The following SUGCT variants were observed in gnomAD, a reference collection of about 807,000 sequenced individuals.
SUGCT encodes succinyl-CoA:glutarate-CoA transferase.
In SUGCT, 41 loss-of-function variants were observed where a neutral mutation model predicts 55.0. The ratio of observed to expected loss-of-function variants is 0.74; its 90% CI spans 0.58 to 0.97. The LOEUF is 0.97. SUGCT is among the 50% of genes least tolerant of loss of function. The pLI, the probability that SUGCT is intolerant of heterozygous loss-of-function variation, is 0.00. For synonymous variants in SUGCT, 187 were observed against 200.4 expected (o/e 0.93, Z 0.56); for missense variants, 568 against 547.8 (o/e 1.04, Z -0.37).
chr7:40,188,434 C>CAAAAA lies in SUGCT; in HGVS notation c.227-44_227-40dup, dbSNP rs35948652. 310 of 601,188 alleles carry CAAAAA rather than the reference C, an allele frequency of 5.2e-4. 1 individual carries two copies. Among genetic ancestry groups the CAAAAA allele is most frequent in the South Asian group, 9.8e-4 (46 of 46,840 alleles). The allele number at this position is 601,188 out of a possible 1,614,324, so 37.2% of individuals were successfully genotyped here. A position where few individuals can be genotyped will look rare whatever the true frequency, so the allele number is the denominator to read the frequency against. ...GGGCAACAGAGCAAGACTCCATCTC[C>CAAAAA]AAAAAAAAAAAAAAAAAAAAACAAA... On this transcript the variant is annotated intron_variant, in intron 3 of 13. Transcript: ENST00000335693.
In SUGCT at chr7:40,308,307, C is replaced by T. The variant is rs557153421; in HGVS notation, c.721-8453C>T. Among the ~76,000 whole-genome samples the T allele has an allele frequency of 2.6e-5, 4 of 152,168 alleles. No homozygotes were observed. The South Asian group carries it at 6.2e-4, about 24-fold the overall frequency. The stretch of plus-strand genomic sequence containing the variant: ...AGGGATGGTGTAGAGAGTACAGTGA[C>T]CTGGGTTTGGGTCAGGATTTTTCCA... On this transcript the variant is annotated intron_variant, in intron 8 of 13. Transcript: ENST00000335693.
chr7:40,626,360 G>A (rs1799527430), intron 12 of SUGCT, among the ~76,000 whole-genome samples: 2 of 151,052 alleles, frequency 1.3e-5, no homozygotes, highest in Admixed American at 6.6e-5. Context: ...AGGTTCAAGC[G>A]ATTCTCCTGC....
chr7:40,198,612 G>A (rs148613483), intron 6 of SUGCT, among the ~76,000 whole-genome samples: 54 of 141,952 alleles, frequency 3.8e-4, no homozygotes, highest in African/African-American at 1.6e-3. Context: ...TGTAATCCCA[G>A]CACTTTGAGA....
At chr7:40,532,420 A>G (rs1242306093) in intron 12 of SUGCT, among the ~76,000 whole-genome samples, 3 of 152,148 alleles carry the variant, frequency 2.0e-5, no homozygotes, top group Non-Finnish European at 4.4e-5. Context: ...CTGTGTGTGT[A>G]TAATTTTTCT....
intron 7 of SUGCT, among the ~76,000 whole-genome samples, chr7:40,259,094 A>G (rs1225293583): frequency 1.3e-5 from 2 of 152,204 alleles, no homozygotes; most frequent in Admixed American, 1.3e-4. Flanking sequence ...CCTCACTTAT[A>G]TATGGAATCC....
intron 1 of SUGCT, chr7:40,152,500 G>C (rs1788624843): frequency 4.7e-6 from 1 of 211,322 alleles, no homozygotes; most frequent in Non-Finnish European, 1.0e-5. Context: ...ACAATCAGCA[G>C]AGACCATGGC....
the SUGCT span, among the ~76,000 whole-genome samples, chr7:40,937,103 G>T: frequency 6.6e-6 from 1 of 152,112 alleles, no homozygotes; most frequent in Non-Finnish European, 1.5e-5. Flanking sequence ...TGTCTGTTAG[G>T]TGTAGTTTAT....
intron 9 of SUGCT, among the ~76,000 whole-genome samples, chr7:40,407,650 T>A (rs1458019641): frequency 6.6e-6 from 1 of 152,124 alleles, no homozygotes; most frequent in Non-Finnish European, 1.5e-5. Flanking sequence ...TCCCTCGTTC[T>A]ATTTTGGCAC....
chr7:40,727,234 A>G (rs1045397356), intron 12 of SUGCT, among the ~76,000 whole-genome samples: 35 of 152,136 alleles, frequency 2.3e-4, no homozygotes, highest in Admixed American at 1.8e-3. Flanking sequence ...CAGGAAATCT[A>G]TTATTATTGT....
intron 12 of SUGCT, among the ~76,000 whole-genome samples, chr7:40,676,628 G>C (rs1336010806): frequency 6.6e-6 from 1 of 150,904 alleles, no homozygotes; most frequent in African/African-American, 2.4e-5. Context: ...TCAGCCTCCT[G>C]AGTAGCTGGG....
the SUGCT span, among the ~76,000 whole-genome samples, chr7:40,972,751 T>C: frequency 1.3e-5 from 2 of 152,180 alleles, no homozygotes; most frequent in African/African-American, 4.8e-5. Context: ...AAGAGATTTA[T>C]CTAGGGCTAC....
At chr7:40,770,000 AT>A (rs984607851) in intron 13 of SUGCT, among the ~76,000 whole-genome samples, 3 of 151,494 alleles carry the variant, frequency 2.0e-5, no homozygotes, top group African/African-American at 7.3e-5. Context: ...TTAAATATGC[AT>A]TTGATTTTTA....
At chr7:40,187,662 G>A (rs1214512066) in intron 3 of SUGCT, among the ~76,000 whole-genome samples, 1 of 152,196 alleles carries the variant, frequency 6.6e-6, no homozygotes, top group East Asian at 1.9e-4. Context: ...TACTAGCCTG[G>A]TGCAGTGGGA....
chr7:40,863,254 C>A (rs1378351420), downstream of SUGCT, among the ~76,000 whole-genome samples: 1 of 152,074 alleles, frequency 6.6e-6, no homozygotes, highest in Non-Finnish European at 1.5e-5. Context: ...GGATTTTATA[C>A]AGGCTAGTTC....
downstream of SUGCT, among the ~76,000 whole-genome samples, chr7:40,862,919 G>T (rs1794520518): frequency 6.6e-6 from 1 of 152,006 alleles, no homozygotes; most frequent in African/African-American, 2.4e-5. Flanking sequence ...TCTCCTAGGG[G>T]TTAGAAGTAT....
chr7:40,905,485 T>G, the SUGCT span, among the ~76,000 whole-genome samples: 1 of 152,170 alleles, frequency 6.6e-6, no homozygotes, highest in African/African-American at 2.4e-5. Flanking sequence ...TTCCTCCCAG[T>G]TCAAGTTTTT....
intron 13 of SUGCT, among the ~76,000 whole-genome samples, chr7:40,751,941 C>G (rs17171774): frequency 0.55 from 83,179 of 152,074 alleles, 24,564 homozygotes; most frequent in Admixed American, 0.71. Context: ...TAAATCTCAG[C>G]AGGAGGGAAG....
At chr7:40,193,324 G>T (rs568191051) in intron 5 of SUGCT, among the ~76,000 whole-genome samples, 2 of 98,112 alleles carry the variant, frequency 2.0e-5, no homozygotes, top group East Asian at 3.5e-4. Flanking sequence ...TCACTCTGTT[G>T]CCCCAGGCTG....
chr7:40,480,259 A>G (rs1402596893), intron 11 of SUGCT, among the ~76,000 whole-genome samples: 1 of 152,118 alleles, frequency 6.6e-6, no homozygotes, highest in Non-Finnish European at 1.5e-5. Context: ...TCTCACCACC[A>G]TTTTTTGAAG....
Sources: gnomAD v4.1 joint callset for allele counts (sites outside exome capture counted in the v4.1 genomes callset) on GRCh38, gnomAD v4.1.1 for gene constraint, MANE v1.5 for transcripts, NCBI Gene and HGNC (gene_info 2026-07-23, HGNC 2026-07-21) for gene names.